ARL15: variants seen among roughly 807,000 people sequenced by gnomAD.
ARL15 encodes ARF like GTPase 15.
Under a neutral mutation model 25.2 loss-of-function variants are expected in ARL15, and 19 were observed. The ratio of observed to expected loss-of-function variants is 0.75; its 90% confidence interval spans 0.53 to 1.10. The LOEUF is 1.10. ARL15 is among the 50% of genes least tolerant of loss of function. The pLI is 0.00. For synonymous variants in ARL15, 94 were observed against 86.8 expected (o/e 1.08, Z -0.46); for missense variants, 220 against 246.0 (o/e 0.89, Z 0.71).
At chr5:54,219,295 G>A (rs1175905825) in intron 1 of ARL15, among the ~76,000 whole-genome samples, 1 of 152,182 alleles carries the variant, frequency 6.6e-6, no homozygotes, top group African/African-American at 2.4e-5. Flanking sequence ...TGTAGGGAAT[G>A]GAGTTAAGTC....
intron 1 of ARL15, among the ~76,000 whole-genome samples, chr5:54,251,338 T>C (rs1757231691): frequency 6.6e-6 from 1 of 152,204 alleles, no homozygotes. Context: ...TTTCATTTAA[T>C]TTTCCCACTC....
chr5:54,304,569 A>T (rs1758704313), intron 1 of ARL15, among the ~76,000 whole-genome samples: 1 of 152,206 alleles, frequency 6.6e-6, no homozygotes, highest in Admixed American at 6.5e-5. Context: ...AAGTTTGGGA[A>T]CCAGACTTAA....
At chr5:54,042,513 C>G (rs955580218) in intron 4 of ARL15, among the ~76,000 whole-genome samples, 1 of 152,174 alleles carries the variant, frequency 6.6e-6, no homozygotes, top group Non-Finnish European at 1.5e-5. Context: ...AAACTCAGAA[C>G]TCAGATCTAT....
intron 4 of ARL15, among the ~76,000 whole-genome samples, chr5:53,897,311 C>A (rs1442153160): frequency 6.6e-6 from 1 of 152,174 alleles, no homozygotes; most frequent in Non-Finnish European, 1.5e-5. Flanking sequence ...TTTGCCTATT[C>A]TGAACATTTC....
chr5:54,060,022 C>T (rs1751013680), intron 4 of ARL15, among the ~76,000 whole-genome samples: 2 of 151,496 alleles, frequency 1.3e-5, no homozygotes, highest in African/African-American at 4.9e-5. Flanking sequence ...GCTGTGTCCC[C>T]ACCCAAATCT....
At chr5:53,909,170 GA>G (rs35009910) in intron 4 of ARL15, among the ~76,000 whole-genome samples, 1 of 151,840 alleles carries the variant, frequency 6.6e-6, no homozygotes, top group East Asian at 1.9e-4. Context: ...TGGCTCCACT[GA>G]AAAAAATCAC....
intron 4 of ARL15, among the ~76,000 whole-genome samples, chr5:53,998,245 T>A (rs1036681554): frequency 6.7e-6 from 1 of 148,938 alleles, no homozygotes; most frequent in South Asian, 2.1e-4. Context: ...GAATAATGTA[T>A]CGTTCTTTTC....
At chr5:54,148,310 GGC>G (rs1314930768) in intron 3 of ARL15, among the ~76,000 whole-genome samples, 1 of 152,142 alleles carries the variant, frequency 6.6e-6, no homozygotes, top group African/African-American at 2.4e-5. Context: ...ACTATGAGGA[GGC>G]GTATTCCTCC....
chr5:54,156,660 T>A (rs897005699), intron 2 of ARL15, among the ~76,000 whole-genome samples: 1 of 152,240 alleles, frequency 6.6e-6, no homozygotes, highest in African/African-American at 2.4e-5. Flanking sequence ...TGAAGTCTGC[T>A]GCACAGAAAG....
At chr5:53,979,523 G>A (rs879387600) in intron 4 of ARL15, among the ~76,000 whole-genome samples, 1 of 152,108 alleles carries the variant, frequency 6.6e-6, no homozygotes, top group East Asian at 1.9e-4. Flanking sequence ...CTGGGCAACA[G>A]AATAAGACCT....
At chr5:54,146,307 G>A (rs963589467) in intron 3 of ARL15, among the ~76,000 whole-genome samples, 5 of 152,038 alleles carry the variant, frequency 3.3e-5, no homozygotes, top group East Asian at 1.9e-4. Context: ...TAGGATCTAC[G>A]ATTTGTAGGG....
At chr5:54,134,755 T>C (rs1423348208) in intron 3 of ARL15, among the ~76,000 whole-genome samples, 1 of 151,796 alleles carries the variant, frequency 6.6e-6, no homozygotes, top group East Asian at 1.9e-4. Context: ...CAGCTAATTT[T>C]TGTGTTTTTA....
At chr5:53,942,618 C>A (rs1009787480) in intron 4 of ARL15, among the ~76,000 whole-genome samples, 1 of 147,978 alleles carries the variant, frequency 6.8e-6, no homozygotes, top group East Asian at 2.0e-4. Flanking sequence ...TGGTGGCATG[C>A]GCCTGTAATC....
intron 4 of ARL15, among the ~76,000 whole-genome samples, chr5:53,993,617 T>G (rs1277818955): frequency 6.6e-6 from 1 of 152,212 alleles, no homozygotes; most frequent in Non-Finnish European, 1.5e-5. Flanking sequence ...ATATTGCTTT[T>G]GCCCTGGGGT....
chr5:54,213,553 C>T (rs1756101824), intron 1 of ARL15, among the ~76,000 whole-genome samples: 1 of 152,130 alleles, frequency 6.6e-6, no homozygotes, highest in African/African-American at 2.4e-5. Context: ...AAATGAATAA[C>T]TCTTTTAGCA....
chr5:54,078,966 T>C (rs1028960420), intron 4 of ARL15, among the ~76,000 whole-genome samples: 1 of 152,164 alleles, frequency 6.6e-6, no homozygotes, highest in South Asian at 2.1e-4. Context: ...ATCAATACCT[T>C]ATTTAATTCA....
chr5:53,914,205 C>A (rs1247309531), intron 4 of ARL15, among the ~76,000 whole-genome samples: 1 of 151,882 alleles, frequency 6.6e-6, no homozygotes, highest in Admixed American at 6.6e-5. Flanking sequence ...TTAAATCTCC[C>A]AATGTTTTTG....
intron 4 of ARL15, among the ~76,000 whole-genome samples, chr5:53,979,401 T>A (rs1748045317): frequency 6.6e-6 from 1 of 151,936 alleles, no homozygotes; most frequent in South Asian, 2.1e-4. Flanking sequence ...TAGCTGGGTA[T>A]GGTGGTATGT....
chr5:53,979,747 C>G (rs1748059350), intron 4 of ARL15, among the ~76,000 whole-genome samples: 1 of 152,070 alleles, frequency 6.6e-6, no homozygotes, highest in South Asian at 2.1e-4. Context: ...GGAATTTTCC[C>G]CAGCAAGAGA....
Sources: gnomAD v4.1 joint callset for allele counts (sites outside exome capture counted in the v4.1 genomes callset) on GRCh38, gnomAD v4.1.1 for gene constraint, MANE v1.5 for transcripts, NCBI Gene and HGNC (gene_info 2026-07-23, HGNC 2026-07-21) for gene names.